COMMD1: variants seen among roughly 807,000 people sequenced by gnomAD.
COMMD1 encodes the protein copper metabolism domain containing 1, also known as COMM domain-containing protein 1.
Under a neutral mutation model 17.2 loss-of-function variants are expected in COMMD1, and 10 were observed. The ratio of observed to expected loss-of-function variants is 0.58; its 90% confidence interval spans 0.36 to 0.99. The LOEUF is 0.99. COMMD1 is among the 50% of genes least tolerant of loss of function. The pLI is 0.01. For missense variants in COMMD1, 270 were observed against 231.8 expected (o/e 1.17, Z -1.07); for synonymous variants, 97 against 91.6 (o/e 1.06, Z -0.34).
rs756118056 is a variant in COMMD1, at chr2:61,913,816, A to AAAAAAAG, written c.180+7959_180+7960insAAAAAGA. On this transcript the variant is annotated intron_variant, in intron 1 of 2. Transcript: ENST00000311832. ...ATCTCCAAAAAAAAAAAAAAAAAAA[A>AAAAAAAG]AGAAAAGTGTGTTAACCTCTGTTCC... 4.7e-4 allele frequency among the ~76,000 whole-genome samples: 47 copies of AAAAAAAG among 100,178 alleles called. 5 individuals are homozygous for AAAAAAAG. Among genetic ancestry groups the AAAAAAAG allele is most frequent in the South Asian group, 1.4e-3 (4 of 2,884 alleles). 65.7% of individuals were successfully genotyped at this position (100,178 alleles called of 152,430 possible).
At chr2:62,113,930 C>T (rs1256327210) in intron 2 of COMMD1, among the ~76,000 whole-genome samples, 1 of 152,148 alleles carries the variant, frequency 6.6e-6, no homozygotes, top group African/African-American at 2.4e-5. Flanking sequence ...ATTTTCTTTT[C>T]TCTTTTCAGA....
chr2:61,974,020 C>T lies in COMMD1; in HGVS notation c.181-26681C>T, dbSNP rs565860373. On this transcript the variant is annotated intron_variant, in intron 1 of 2. Coordinates refer to ENST00000311832, the MANE Select transcript of COMMD1 (RefSeq NM_152516.4). ...TAGAACATCATATAATGGGGCTGGGCGCGATGGCTCACGCCAGTAATCCCA... is the reference window on the plus strand; with the variant it reads ...TAGAACATCATATAATGGGGCTGGGTGCGATGGCTCACGCCAGTAATCCCA... Among the ~76,000 whole-genome samples, 29 of 152,322 alleles carry T rather than the reference C, an allele frequency of 1.9e-4. No individual in the cohort carries two copies. The South Asian group carries it at 3.3e-3, about 17-fold the overall frequency.
intron 2 of COMMD1, among the ~76,000 whole-genome samples, chr2:62,039,110 G>A: frequency 6.6e-6 from 1 of 152,158 alleles, no homozygotes; most frequent in East Asian, 1.9e-4. Context: ...TCCAGCCTTT[G>A]AAGGGCCAGA....
intron 2 of COMMD1, chr2:62,055,536 C>T (rs1010940053): frequency 1.8e-5 from 8 of 449,728 alleles, no homozygotes; most frequent in Admixed American, 1.5e-4. Context: ...AACTGCTTTG[C>T]CACATGGAGA....
intron 1 of COMMD1, among the ~76,000 whole-genome samples, chr2:61,897,381 A>G (rs1050240144): frequency 2.0e-5 from 3 of 152,264 alleles, no homozygotes; most frequent in Admixed American, 6.5e-5. Context: ...ACAAATTTGT[A>G]TGCTTTTCTC....
At chr2:62,003,639 C>CACCCAA (rs1669029447) in intron 2 of COMMD1, among the ~76,000 whole-genome samples, 1 of 148,822 alleles carries the variant, frequency 6.7e-6, no homozygotes, top group African/African-American at 2.6e-5. Flanking sequence ...CACACACACA[C>CACCCAA]ACCCAACAGA....
At chr2:62,045,621 C>T (rs1647919743) in intron 2 of COMMD1, among the ~76,000 whole-genome samples, 1 of 150,316 alleles carries the variant, frequency 6.7e-6, no homozygotes, top group South Asian at 2.1e-4. Context: ...AGGCTGGTCT[C>T]AAACTCCCGA....
At chr2:62,057,109 C>A (rs1346566708) in intron 2 of COMMD1, among the ~76,000 whole-genome samples, 1 of 152,008 alleles carries the variant, frequency 6.6e-6, no homozygotes, top group African/African-American at 2.4e-5. Flanking sequence ...CATCTAGTTG[C>A]AGGAAAACAA....
At chr2:61,940,114 C>T (rs1670704316) in intron 1 of COMMD1, among the ~76,000 whole-genome samples, 1 of 152,158 alleles carries the variant, frequency 6.6e-6, no homozygotes, top group African/African-American at 2.4e-5. Context: ...GAAGTGCTCA[C>T]AGTTTTTTGT....
In COMMD1 at chr2:61,983,244, C is replaced by T. The variant is rs367743719; in HGVS notation, c.181-17457C>T. ...TCCCTCTGTCGCCCAGGTTGGAGTG[C>T]AGTGGCGCAATCTTGGCTTACTGCA... On this transcript the variant is annotated intron_variant, in intron 1 of 2. Coordinates refer to ENST00000311832, the MANE Select transcript of COMMD1 (RefSeq NM_152516.4). Among the ~76,000 whole-genome samples the T allele has an allele frequency of 1.5e-3, 218 of 145,902 alleles. 5 individuals are homozygous for T. The South Asian group carries it at 0.043, about 29-fold the overall frequency.
intron 1 of COMMD1, among the ~76,000 whole-genome samples, chr2:61,915,105 A>G (rs1572957419): frequency 6.6e-6 from 1 of 151,058 alleles, no homozygotes; most frequent in Admixed American, 6.6e-5. Flanking sequence ...CACCAGGTTC[A>G]AGCAATTCTC....
chr2:61,938,779 G>A (rs1216436948), intron 1 of COMMD1, among the ~76,000 whole-genome samples: 1 of 152,044 alleles, frequency 6.6e-6, no homozygotes, highest in Admixed American at 6.6e-5. Flanking sequence ...TGGCATCTCT[G>A]GTTTTAAGAA....
At position 62,130,761 on chromosome 2, in the gene COMMD1, T is replaced by C. The variant is rs555184548; in HGVS notation, c.463-5070T>C. Among the ~76,000 whole-genome samples the C allele has an allele frequency of 3.9e-5, 6 of 152,360 alleles. No homozygotes were observed. The South Asian group carries it at 1.0e-3, about 26-fold the overall frequency. On this transcript the variant is annotated intron_variant, in intron 2 of 2. Transcript: ENST00000311832. ...GCATTTTGTCACTGTAGTATTGTTT[T>C]GCAGAAGAATTGCTCAGAACCTAGT... is the stretch of plus-strand genomic sequence containing the variant.
intron 1 of COMMD1, among the ~76,000 whole-genome samples, chr2:61,906,189 G>C (rs1669768089): frequency 6.6e-6 from 1 of 152,176 alleles, no homozygotes; most frequent in African/African-American, 2.4e-5. Flanking sequence ...AAAATTAAGA[G>C]TTTTAGGTCG....
At chr2:62,054,906 G>T (rs1327630516) in intron 2 of COMMD1, among the ~76,000 whole-genome samples, 1 of 152,198 alleles carries the variant, frequency 6.6e-6, no homozygotes, top group East Asian at 1.9e-4. Context: ...AAACCCTATT[G>T]TGAACTGTGC....
intron 2 of COMMD1, among the ~76,000 whole-genome samples, chr2:62,095,268 G>T (rs569315329): frequency 6.6e-6 from 1 of 152,290 alleles, no homozygotes; most frequent in South Asian, 2.1e-4. Context: ...ACATTCAAAT[G>T]CAGAACAAAG....
chr2:61,933,874 C>T (rs1670534274), intron 1 of COMMD1, among the ~76,000 whole-genome samples: 1 of 151,858 alleles, frequency 6.6e-6, no homozygotes, highest in South Asian at 2.1e-4. Context: ...AGTGATTCTC[C>T]TGCCTCAGCC....
intron 1 of COMMD1, among the ~76,000 whole-genome samples, chr2:61,917,707 A>C (rs1670085375): frequency 6.6e-6 from 1 of 151,966 alleles, no homozygotes; most frequent in East Asian, 1.9e-4. Flanking sequence ...TTGTTTTTGC[A>C]TTTTTAGTAG....
intron 2 of COMMD1, among the ~76,000 whole-genome samples, chr2:62,031,101 C>G (rs1301465674): frequency 6.6e-6 from 1 of 152,114 alleles, no homozygotes; most frequent in Non-Finnish European, 1.5e-5. Flanking sequence ...TCTGAATTCT[C>G]TATATTCTGG....
Sources: gnomAD v4.1 joint callset for allele counts (sites outside exome capture counted in the v4.1 genomes callset) on GRCh38, gnomAD v4.1.1 for gene constraint, MANE v1.5 for transcripts, NCBI Gene and HGNC (gene_info 2026-07-23, HGNC 2026-07-21) for gene names.